Variants in TMEM131 observed in about 807,000 individuals in gnomAD.
TMEM131 encodes 2610524E03Rik.
TMEM131 carries 66 observed loss-of-function variants against 211.6 expected under a neutral mutation model. The observed-to-expected ratio is 0.31, with a 90% confidence interval of 0.26 to 0.38. The LOEUF is 0.38. TMEM131 is among the 10% of genes least tolerant of loss of function. The pLI is 1.00. For synonymous variants in TMEM131, 844 were observed against 841.3 expected (o/e 1.00, Z -0.06); for missense variants, 2,036 against 2,299.3 (o/e 0.89, Z 2.34).
At chr2:97,806,584 T>C (rs1180948830) in intron 19 of TMEM131, among the ~76,000 whole-genome samples, 2 of 152,020 alleles carry the variant, frequency 1.3e-5, no homozygotes, top group African/African-American at 4.8e-5. Flanking sequence ...AATAAAACTG[T>C]TAAATAACCA....
chr2:97,887,995 T>C lies in TMEM131; in HGVS notation c.359+57A>G, dbSNP rs547068957. On this transcript the variant is annotated intron_variant, in intron 4 of 40. Transcript: ENST00000186436. ...ACAGGCAAAAGACAAGACAAATGCA[T>C]GTAAAATACATTTAATAGTTTAATG... 2.4e-5 allele frequency: 33 copies of C among 1,357,654 alleles called. No homozygotes were observed. In the East Asian group the frequency reaches 4.9e-4, roughly 20 times the overall value. 84.1% of individuals were successfully genotyped at this position (1,357,654 alleles called of 1,614,324 possible).
intron 1 of TMEM131, among the ~76,000 whole-genome samples, chr2:97,954,264 T>C (rs2104543199): frequency 6.6e-6 from 1 of 152,218 alleles, no homozygotes; most frequent in South Asian, 2.1e-4. Context: ...CTGAAAAGGC[T>C]CTAGCAAGAC....
Position 97,949,649 on chromosome 2 carries a change from T to C in TMEM131, c.188-22162A>G, listed in dbSNP as rs777194983. On this transcript the variant is annotated intron_variant, in intron 1 of 40. Transcript: ENST00000186436. Reference sequence around the variant, plus strand: ...TAACATGGTGAAACCTCGTCTCTACTGAAAAAAAAAATACAAAAAAATTAG... The same window carrying C: ...TAACATGGTGAAACCTCGTCTCTACCGAAAAAAAAAATACAAAAAAATTAG... 9.3e-5 allele frequency among the ~76,000 whole-genome samples: 14 copies of C among 149,996 alleles called. 1 individual carries two copies. Among genetic ancestry groups the C allele is most frequent in the Admixed American group, 9.3e-4 (14 of 15,078 alleles).
At chr2:97,993,488 T>C (rs1680349319) in intron 1 of TMEM131, among the ~76,000 whole-genome samples, 1 of 152,252 alleles carries the variant, frequency 6.6e-6, no homozygotes, top group African/African-American at 2.4e-5. Context: ...AAGCCATTTC[T>C]GGAGATACCT....
intron 4 of TMEM131, among the ~76,000 whole-genome samples, chr2:97,880,667 G>A (rs550881963): frequency 3.3e-5 from 5 of 152,116 alleles, no homozygotes; most frequent in African/African-American, 4.8e-5. Flanking sequence ...GACATGGTGA[G>A]TTTAGTGTGG....
At chr2:97,960,136 T>C (rs62156520) in intron 1 of TMEM131, among the ~76,000 whole-genome samples, 1,442 of 122,290 alleles carry the variant, frequency 0.012, 11 homozygotes, top group Non-Finnish European at 0.018. Flanking sequence ...CAAAGATGTA[T>C]TTTTCCCTTT....
intron 7 of TMEM131, among the ~76,000 whole-genome samples, chr2:97,839,979 G>A (rs1419824080): frequency 3.3e-5 from 5 of 152,130 alleles, no homozygotes; most frequent in Non-Finnish European, 5.9e-5. Flanking sequence ...ATACTCATGT[G>A]TTTATGTTGT....
At chr2:97,984,202 T>C (rs770998569) in intron 1 of TMEM131, among the ~76,000 whole-genome samples, 1 of 152,224 alleles carries the variant, frequency 6.6e-6, no homozygotes, top group Non-Finnish European at 1.5e-5. Flanking sequence ...AATTACATAA[T>C]AGTTTAAGAG....
intron 35 of TMEM131, 85 bp from the exon 36 acceptor site, chr2:97,762,285 T>A (rs1321025103): frequency 2.9e-6 from 4 of 1,362,348 alleles, no homozygotes; most frequent in Non-Finnish European, 4.1e-6. Flanking sequence ...TCTAAGACTA[T>A]GCATAACTCA....
At chr2:97,984,203 AGTTT>A (rs1330831464) in intron 1 of TMEM131, among the ~76,000 whole-genome samples, 1 of 152,220 alleles carries the variant, frequency 6.6e-6, no homozygotes, top group Non-Finnish European at 1.5e-5. Context: ...ATTACATAAT[AGTTT>A]AAGAGCAAGT....
At chr2:97,814,500 T>C (rs1681722505) in intron 13 of TMEM131, 112 bp from the exon 14 acceptor site, 1 of 1,072,710 alleles carries the variant, frequency 9.3e-7, no homozygotes, top group Admixed American at 3.2e-5. Context: ...TTAGGGATTG[T>C]ATTAAAGATT....
intron 7 of TMEM131, among the ~76,000 whole-genome samples, chr2:97,837,780 C>T (rs746009663): frequency 1.3e-5 from 2 of 152,000 alleles, no homozygotes; most frequent in Non-Finnish European, 2.9e-5. Context: ...CTGATGAATC[C>T]TGACCTATGT....
chr2:97,897,079 T>C (rs976940848), intron 3 of TMEM131, among the ~76,000 whole-genome samples: 1 of 152,114 alleles, frequency 6.6e-6, no homozygotes, highest in African/African-American at 2.4e-5. Context: ...ATGCAGTGAT[T>C]TATGCCATTG....
intron 4 of TMEM131, among the ~76,000 whole-genome samples, chr2:97,873,375 C>G (rs1448291493): frequency 6.6e-6 from 1 of 152,200 alleles, no homozygotes; most frequent in Admixed American, 6.5e-5. Context: ...CAGTGGACCT[C>G]CCAGCACAGC....
At chr2:97,937,508 A>G (rs1387904748) in intron 1 of TMEM131, among the ~76,000 whole-genome samples, 1 of 152,208 alleles carries the variant, frequency 6.6e-6, no homozygotes, top group South Asian at 2.1e-4. Flanking sequence ...CATTAGTCCA[A>G]ACTAAACTAT....
intron 33 of TMEM131, among the ~76,000 whole-genome samples, chr2:97,771,924 CAG>C (rs2104801241): frequency 6.6e-6 from 1 of 152,350 alleles, no homozygotes; most frequent in South Asian, 2.1e-4. Flanking sequence ...TCGACAGACT[CAG>C]AGATCTTTTG....
At position 97,793,482 on chromosome 2, in the gene TMEM131, C is replaced by T. The variant is rs762874750; in HGVS notation, c.3458G>A (p.Arg1153Gln). ...AQGIWEPFRR[R>Q]LSFEASNPPF... ...CGGGTTCGAGGCCTCAAAGGATAGC[C>T]GCCTTCGAAATGGCTCCCATATTCC... The change falls in exon 30 of 41, where the codon CGG (arginine) becomes CAG (glutamine). Residue 1153 changes from arginine (R) to glutamine (Q), a missense_variant. Transcript: ENST00000186436. The T allele has an allele frequency of 7.4e-6, 12 of 1,613,792 alleles. No homozygotes were observed. Among genetic ancestry groups the T allele is most frequent in the African/African-American group, 4.0e-5 (3 of 74,888 alleles).
At chr2:97,797,726 G>A (rs894693764) in intron 25 of TMEM131, among the ~76,000 whole-genome samples, 5 of 152,208 alleles carry the variant, frequency 3.3e-5, no homozygotes, top group Admixed American at 1.3e-4. Flanking sequence ...GTCCAAAAAG[G>A]GGCTTTCTTC....
intron 4 of TMEM131, among the ~76,000 whole-genome samples, chr2:97,863,511 A>G (rs1674149895): frequency 1.3e-5 from 2 of 152,226 alleles, no homozygotes; most frequent in South Asian, 4.1e-4. Flanking sequence ...ACAAGGGATT[A>G]ATAATAACTA....
Sources: allele counts gnomAD v4.1 joint callset (sites outside exome capture counted in the v4.1 genomes callset), GRCh38; gene constraint gnomAD v4.1.1; transcripts MANE v1.5; gene names NCBI Gene and HGNC (gene_info 2026-07-23, HGNC 2026-07-21).